Variants in CYB5D1 observed in about 807,000 individuals in gnomAD.
CYB5D1 encodes cytochrome b5 domain containing 1, also known as cytochrome b5 domain-containing protein 1.
CYB5D1 carries 30 observed loss-of-function variants against 24.3 expected under a neutral mutation model. That is an observed-to-expected ratio of 1.23 (90% CI 0.92 to 1.67). CYB5D1 has a LOEUF of 1.67. Ranked by LOEUF, CYB5D1 falls within the 40% of genes most tolerant of loss-of-function variation. The probability of loss-of-function intolerance (pLI) is 0.00; values close to 1 mark genes in which losing one functional copy is unlikely to be tolerated. For synonymous variants in CYB5D1, 128 were observed against 123.2 expected (o/e 1.04, Z -0.26); for missense variants, 265 against 296.7 (o/e 0.89, Z 0.79).
rs543884352 is a variant in CYB5D1 at position 7,860,134 on chromosome 17, C to T, written c.*522C>T. On this transcript the variant is annotated 3_prime_UTR_variant, in exon 4 of 4. Coordinates refer to ENST00000332439, the MANE Select transcript of CYB5D1 (RefSeq NM_144607.6). ...TTCAGGCTAGATATTATACTAGGTACTTCATATACCCTCTTTTTTTTTTTT... is the reference window on the plus strand; with the variant it reads ...TTCAGGCTAGATATTATACTAGGTATTTCATATACCCTCTTTTTTTTTTTT... The T allele has an allele frequency of 1.9e-5, 3 of 156,648 alleles. No homozygotes were observed. Among genetic ancestry groups the T allele is most frequent in the Non-Finnish European group, 2.8e-5 (2 of 71,526 alleles). The allele number at this position is 156,648 out of a possible 1,614,324, so 9.7% of individuals were successfully genotyped here.
chr17:7,859,466 G>A lies in CYB5D1; in HGVS notation c.541G>A (p.Glu181Lys). 1 of 1,614,162 alleles carries A rather than the reference G, an allele frequency of 6.2e-7. No homozygotes were observed. Among genetic ancestry groups the A allele is most frequent in the Non-Finnish European group, 8.5e-7 (1 of 1,180,036 alleles). The change falls in exon 4 of 4, where the codon GAA becomes AAA. Residue 181 changes from glutamate to lysine, a missense_variant. Physicochemically the swap from Glu to Lys is moderately conservative, Grantham distance 56. Coordinates refer to ENST00000332439, the MANE Select transcript of CYB5D1 (RefSeq NM_144607.6). The part of the protein sequence containing the change: ...SHAASYTWKY[E>K]GKNLNMDFTL... Reference sequence around the variant, plus strand: ...TGCTGCCAGCTACACGTGGAAATATGAAGGGAAGAACCTGAACATGGATTT... The same window carrying A: ...TGCTGCCAGCTACACGTGGAAATATAAAGGGAAGAACCTGAACATGGATTT...
chr17:7,861,190 G>GA lies in CYB5D1; in HGVS notation c.*1580dup, dbSNP rs2078880379. The GA allele has an allele frequency of 6.6e-6, 1 of 152,172 alleles. No homozygotes were observed. Among genetic ancestry groups the GA allele is most frequent in the Non-Finnish European group, 1.5e-5 (1 of 68,052 alleles). The allele number at this position is 152,172 out of a possible 1,614,324, so 9.4% of individuals were successfully genotyped here. A position where few individuals can be genotyped will look rare whatever the true frequency, so the allele number is the denominator to read the frequency against. On this transcript the variant is annotated 3_prime_UTR_variant, in exon 4 of 4. Coordinates refer to ENST00000332439, the MANE Select transcript of CYB5D1 (RefSeq NM_144607.6). ...CAGCAGCAAGCAAAAAACAAATCAGGAAGAGTTTAGTGTGTCTTCTGGCAG... is the reference window on the plus strand; with the variant it reads ...CAGCAGCAAGCAAAAAACAAATCAGGAAAGAGTTTAGTGTGTCTTCTGGCAG...
Position 7,858,023 on chromosome 17 carries a change from AT to A in CYB5D1, c.-111del. 1 of 1,533,132 alleles carries A rather than the reference AT, an allele frequency of 6.5e-7. No individual in the cohort carries two copies. Among genetic ancestry groups the A allele is most frequent in the Non-Finnish European group, 8.7e-7 (1 of 1,145,884 alleles). The allele number at this position is 1,533,132 out of a possible 1,614,324, so 95.0% of individuals were successfully genotyped here. A position where few individuals can be genotyped will look rare whatever the true frequency, so the allele number is the denominator to read the frequency against. ...AGGACAATGGTTTCCATGTCAGCGGATAAACGCTCTCCCCTCGGCTCCCGGA... is the reference window on the plus strand; with the variant it reads ...AGGACAATGGTTTCCATGTCAGCGGAAAACGCTCTCCCCTCGGCTCCCGGA... On this transcript the variant is annotated 5_prime_UTR_variant, in exon 1 of 4. It removes the in-frame stop codon of an upstream open reading frame in the 5' UTR. Transcript: ENST00000332439.
At position 7,859,971 on chromosome 17, in the gene CYB5D1, G is replaced by A; in HGVS notation, c.*359G>A. The stretch of plus-strand genomic sequence containing the variant: ...TTTTTGGCAATGATGGAAATGAGAT[G>A]TCTGCAGGAAGATGGGATTTACAAA... On this transcript the variant is annotated 3_prime_UTR_variant, in exon 4 of 4. Transcript: ENST00000332439. The A allele has an allele frequency of 4.3e-6, 1 of 235,138 alleles. No individual in the cohort carries two copies. Among genetic ancestry groups the A allele is most frequent in the African/African-American group, 2.3e-5 (1 of 43,940 alleles). 14.6% of individuals were successfully genotyped at this position (235,138 alleles called of 1,614,324 possible).
chr17:7,859,223 T>C (rs2078863298), intron 3 of CYB5D1, 159 bp from the exon 4 acceptor site: 2 of 629,918 alleles, frequency 3.2e-6, no homozygotes, highest in Admixed American at 2.9e-5. Flanking sequence ...TGTAGGACTT[T>C]AGGGTCTGCT....
At position 7,861,527 on chromosome 17, in the gene CYB5D1, G is replaced by C. The variant is rs554835999; in HGVS notation, c.*1915G>C. Reference sequence around the variant, plus strand: ...GCTGTTCCTCTAGTGCAAGCCTCAGGGCCTGTCCTGTGCCTACAGGATGTC... The same window carrying C: ...GCTGTTCCTCTAGTGCAAGCCTCAGCGCCTGTCCTGTGCCTACAGGATGTC... On this transcript the variant is annotated 3_prime_UTR_variant, in exon 4 of 4. Coordinates refer to ENST00000332439, the MANE Select transcript of CYB5D1 (RefSeq NM_144607.6). 6.6e-6 allele frequency: 1 copy of C among 152,148 alleles called. No homozygotes were observed. Among genetic ancestry groups the C allele is most frequent in the South Asian group, 2.1e-4 (1 of 4,820 alleles). 9.4% of individuals were successfully genotyped at this position (152,148 alleles called of 1,614,324 possible). A position where few individuals can be genotyped will look rare whatever the true frequency, so the allele number is the denominator to read the frequency against.
rs1294207711 is a variant in CYB5D1 at position 7,861,007 on chromosome 17, G to A, written c.*1395G>A. 6.6e-6 allele frequency: 1 copy of A among 152,170 alleles called. No individual in the cohort carries two copies. Among genetic ancestry groups the A allele is most frequent in the Non-Finnish European group, 1.5e-5 (1 of 68,040 alleles). 9.4% of individuals were successfully genotyped at this position (152,170 alleles called of 1,614,324 possible). On this transcript the variant is annotated 3_prime_UTR_variant, in exon 4 of 4. Transcript: ENST00000332439. The stretch of plus-strand genomic sequence containing the variant: ...GTTGCAAGACGGTGACTCCAAAAGA[G>A]GGAGCTCGACAGGGGTAATGTAAAC...
chr17:7,859,564 C>T lies in CYB5D1; in HGVS notation c.639C>T (p.His213=). The T allele has an allele frequency of 1.2e-6, 2 of 1,614,178 alleles. No individual in the cohort carries two copies. Among genetic ancestry groups the T allele is most frequent in the Non-Finnish European group, 8.5e-7 (1 of 1,180,038 alleles). ...FDYLSMDGTL[H]TPAILLYFND... ...ATCTCAGTATGGACGGTACACTTCACACACCTGCAATACTTCTGTACTTCA... is the reference window on the plus strand; with the variant it reads ...ATCTCAGTATGGACGGTACACTTCATACACCTGCAATACTTCTGTACTTCA... The change falls in exon 4 of 4, where the codon CAC becomes CAT. Residue 213 remains histidine (H), a synonymous_variant. Coordinates refer to ENST00000332439, the MANE Select transcript of CYB5D1 (RefSeq NM_144607.6).
chr17:7,859,134 C>T, intron 3 of CYB5D1: 1 of 588,896 alleles, frequency 1.7e-6, no homozygotes, highest in East Asian at 2.8e-5. Flanking sequence ...TTTTAATCTA[C>T]TCTGTTGCAT....
chr17:7,861,989 C>T lies in CYB5D1; in HGVS notation c.*2377C>T, dbSNP rs2078886610. On this transcript the variant is annotated 3_prime_UTR_variant, in exon 4 of 4. Coordinates refer to ENST00000332439, the MANE Select transcript of CYB5D1 (RefSeq NM_144607.6). ...TTGCCTCAGACCCTCACACACTGTC[C>T]TCTCTGCCTGCAACACTCTTCCTTT... 1 of 152,190 alleles carries T rather than the reference C, an allele frequency of 6.6e-6. No homozygotes were observed. The highest frequency in any genetic ancestry group is 1.5e-5 in the Non-Finnish European group (1 of 68,054). The allele number at this position is 152,190 out of a possible 1,614,324, so 9.4% of individuals were successfully genotyped here.
chr17:7,858,070 T>C lies in CYB5D1; in HGVS notation c.-65T>C, dbSNP rs1406323499. On this transcript the variant is annotated 5_prime_UTR_variant, in exon 1 of 4. Transcript: ENST00000332439. ...CCGGACGCGACGGAGGTCGTAGTAG[T>C]AGTGAGTACGTGCTGAGGAGCAAAG... is the stretch of plus-strand genomic sequence containing the variant. 2 of 1,597,524 alleles carry C rather than the reference T, an allele frequency of 1.3e-6. No individual in the cohort carries two copies. The highest frequency in any genetic ancestry group is 1.7e-6 in the Non-Finnish European group (2 of 1,173,648).
At position 7,858,812 on chromosome 17, in the gene CYB5D1, G is replaced by A. The variant is rs750164225; in HGVS notation, c.444G>A (p.Glu148=). ...TCATTAACACGCTCACGTCGCAGGA[G>A]CACACACTGGAGGTGAGAACTGGTG... ...IRIINTLTSQ[E]HTLEVGVLES... The change falls in exon 3 of 4, where the codon GAG becomes GAA. Residue 148 remains glutamate, a synonymous_variant. Transcript: ENST00000332439. 1.9e-6 allele frequency: 3 copies of A among 1,550,504 alleles called. No individual in the cohort carries two copies. Among genetic ancestry groups the A allele is most frequent in the South Asian group, 1.2e-5 (1 of 81,316 alleles).
rs1350741470 is a variant in CYB5D1, at chr17:7,861,898, C to T, written c.*2286C>T. 2 of 152,246 alleles carry T rather than the reference C, an allele frequency of 1.3e-5. No homozygotes were observed. Among genetic ancestry groups the T allele is most frequent in the East Asian group, 3.8e-4 (2 of 5,200 alleles). 9.4% of individuals were successfully genotyped at this position (152,246 alleles called of 1,614,324 possible). A position where few individuals can be genotyped will look rare whatever the true frequency, so the allele number is the denominator to read the frequency against. ...TCAAAGATCTTGTATAAATCAGGCTCATCTCGCAACACCCCTCTTTGTTCT... is the reference window on the plus strand; with the variant it reads ...TCAAAGATCTTGTATAAATCAGGCTTATCTCGCAACACCCCTCTTTGTTCT... On this transcript the variant is annotated 3_prime_UTR_variant, in exon 4 of 4. Transcript: ENST00000332439.
chr17:7,858,589 C>G lies in CYB5D1; in HGVS notation c.238-17C>G. ...AATGGCTGCTCTGACACCCTCGCCC[C>G]AAACCCTCCTTTAAAGATCCGCAAG... On this transcript the variant is annotated splice_polypyrimidine_tract_variant and intron_variant, in intron 2 of 3. Coordinates refer to ENST00000332439, the MANE Select transcript of CYB5D1 (RefSeq NM_144607.6). The G allele has an allele frequency of 1.9e-6, 3 of 1,607,488 alleles. No homozygotes were observed. Among genetic ancestry groups the G allele is most frequent in the Non-Finnish European group, 8.5e-7 (1 of 1,175,142 alleles).
In CYB5D1 at chr17:7,858,659, G is replaced by A; in HGVS notation, c.291G>A (p.Arg97=). The change falls in exon 3 of 4, where the codon CGG becomes CGA. Residue 97 remains arginine, a synonymous_variant. Coordinates refer to ENST00000332439, the MANE Select transcript of CYB5D1 (RefSeq NM_144607.6). Reference sequence around the variant, plus strand: ...GCTGCCTGAGGTACTGCACCCCGCGGGGCCGCTTTGTGCACGTTCCGCCTC... The same window carrying A: ...GCTGCCTGAGGTACTGCACCCCGCGAGGCCGCTTTGTGCACGTTCCGCCTC... ...LTGCLRYCTP[R]GRFVHVPPQL... is the part of the protein sequence containing the mutation. 6.2e-7 allele frequency: 1 copy of A among 1,609,862 alleles called. No individual in the cohort carries two copies. The highest frequency in any genetic ancestry group is 8.5e-7 in the Non-Finnish European group (1 of 1,177,460).
chr17:7,858,530 G>A (rs1310899647), intron 2 of CYB5D1, 51 bp downstream of exon 2: 1 of 1,613,760 alleles, frequency 6.2e-7, no homozygotes, highest in Non-Finnish European at 8.5e-7. Flanking sequence ...GGAGAGCGGG[G>A]ATGGGAAGGA....
chr17:7,859,270 G>T, intron 3 of CYB5D1, 112 bp from the exon 4 acceptor site: 1 of 796,024 alleles, frequency 1.3e-6, no homozygotes. Context: ...TTTTCCCGGG[G>T]CCGTAGAGTA....
At chr17:7,859,075 G>C (rs1400569815) in intron 3 of CYB5D1, 2 of 569,996 alleles carry the variant, frequency 3.5e-6, no homozygotes, top group Admixed American at 3.3e-5. Context: ...TAGTGATGGT[G>C]GTCCTTCGAA....
At position 7,858,263 on chromosome 17, in the gene CYB5D1, C is replaced by G. The variant is rs1242677604; in HGVS notation, c.129C>G (p.Tyr43Ter). 51 of 1,613,880 alleles carry G rather than the reference C, an allele frequency of 3.2e-5. No individual in the cohort carries two copies. Among genetic ancestry groups the G allele is most frequent in the Non-Finnish European group, 4.2e-5 (50 of 1,179,998 alleles). The change falls in exon 1 of 4, where the codon TAC (tyrosine) becomes TAG (stop). Residue 43 changes from tyrosine to a stop codon, truncating the protein, a stop_gained. Coordinates refer to ENST00000332439, the MANE Select transcript of CYB5D1 (RefSeq NM_144607.6). LOFTEE classifies it high-confidence loss of function. ...DLWVSYLGRVYDLTSLAQEYK... is the reference protein window; with the variant it reads ...DLWVSYLGRV ...GGGTATCTTACCTGGGACGCGTGTA[C>G]GACCTAACGTCATTGGCACAGGAAT...
Sources: gnomAD v4.1 joint callset for allele counts on GRCh38, gnomAD v4.1.1 for gene constraint, MANE v1.5 for transcripts, NCBI Gene and HGNC (gene_info 2026-07-23, HGNC 2026-07-21) for gene names.